The following COG8 variants were observed in gnomAD, a reference collection of about 807,000 sequenced individuals.
COG8 encodes the protein component of oligomeric golgi complex 8.
A neutral mutation model predicts 46.5 loss-of-function variants in COG8; 45 were observed. The ratio of observed to expected loss-of-function variants is 0.97; its 90% CI spans 0.76 to 1.24. The LOEUF is 1.24. Ranked by LOEUF, COG8 falls within the 50% of genes most tolerant of loss-of-function variation. The probability of loss-of-function intolerance (pLI) is 0.00; values close to 1 mark genes in which losing one functional copy is unlikely to be tolerated. For missense variants in COG8, 793 were observed against 820.8 expected (o/e 0.97, Z 0.41); for synonymous variants, 407 against 347.8 (o/e 1.17, Z -1.90).
intron 1 of COG8, among the ~76,000 whole-genome samples, chr16:69,337,732 G>T (rs1360386686): frequency 6.9e-6 from 1 of 144,878 alleles, no homozygotes; most frequent in Admixed American, 6.9e-5. Context: ...ACTCACAAAG[G>T]ACTTTTTTTT....
At chr16:69,337,593 C>A (rs1401621340) in intron 1 of COG8, among the ~76,000 whole-genome samples, 1 of 152,170 alleles carries the variant, frequency 6.6e-6, no homozygotes, top group African/African-American at 2.4e-5. Context: ...TTTATCAAGT[C>A]CCCTATCTAT....
At chr16:69,331,201 A>C in intron 4 of COG8, 106 bp from the exon 5 acceptor site, 21 of 1,202,798 alleles carry the variant, frequency 1.7e-5, no homozygotes, top group East Asian at 2.6e-5. Context: ...TAATCCCAGC[A>C]CTTTGGGAGG....
chr16:69,335,384 A>G, intron 2 of COG8, 36 bp from the exon 3 acceptor site: 1 of 1,515,000 alleles, frequency 6.6e-7, no homozygotes, highest in South Asian at 1.2e-5. Context: ...CTGCGCTGGG[A>G]AGGATGCTCT....
chr16:69,339,118 C>T, intron 1 of COG8, 58 bp downstream of exon 1: 1 of 1,610,376 alleles, frequency 6.2e-7, no homozygotes, highest in Middle Eastern at 1.7e-4. Context: ...TTATTTCTAC[C>T]ATCGTAAATG....
chr16:69,330,519 G>A (rs1427617512), intron 5 of COG8: 4 of 1,474,392 alleles, frequency 2.7e-6, no homozygotes, highest in Non-Finnish European at 2.7e-6. Flanking sequence ...CCGCCCCACG[G>A]CACGGCCGCC....
Position 69,336,485 on chromosome 16 carries a change from T to A in COG8, c.585+20A>T. 6.2e-7 allele frequency: 1 copy of A among 1,611,500 alleles called. No individual in the cohort carries two copies. ...ATTACAAGAACATTACTTTGAGTCC[T>A]CTCTGGGCAAGGTGGCTACCTGGAT... On this transcript the variant is annotated intron_variant, in intron 2 of 5. Coordinates refer to ENST00000306875, the MANE Select transcript of COG8 (RefSeq NM_032382.5).
Position 69,334,546 on chromosome 16 carries a change from C to G in COG8, c.1388G>C (p.Gly463Ala). 7 of 1,614,188 alleles carry G rather than the reference C, an allele frequency of 4.3e-6. No individual in the cohort carries two copies. Among genetic ancestry groups the G allele is most frequent in the Non-Finnish European group, 5.9e-6 (7 of 1,180,042 alleles). The part of the protein sequence containing the change: ...CPVALAQDVT[G>A]ALEDALAKVT... ...CTTGGCAAGGGCATCTTCCAAGGCC[C>G]CAGTCACATCCTGCGCCAGGGCCAC... Residue 463 changes from glycine (G) to alanine (A), a missense_variant, in exon 3 of 6, where the codon GGG becomes GCG. Physicochemically the swap from Gly to Ala is moderately conservative, Grantham distance 60. Transcript: ENST00000306875.
intron 3 of COG8, among the ~76,000 whole-genome samples, chr16:69,333,166 G>GTTTT (rs554776759): frequency 7.6e-6 from 1 of 130,882 alleles, no homozygotes. Flanking sequence ...CATGGTTTTG[G>GTTTT]TTTTTTTTTT....
At chr16:69,336,750 C>G (rs745692049) in intron 1 of COG8, 38 bp from the exon 2 acceptor site, 2 of 1,574,994 alleles carry the variant, frequency 1.3e-6, no homozygotes, top group South Asian at 1.1e-5. Flanking sequence ...CTTCACTGCT[C>G]TGTACCCAAA....
At position 69,336,434 on chromosome 16, in the gene COG8, C is replaced by G. The variant is rs550221232; in HGVS notation, c.585+71G>C. 5.5e-6 allele frequency: 8 copies of G among 1,453,242 alleles called. No individual in the cohort carries two copies. The South Asian group carries it at 9.4e-5, about 17-fold the overall frequency. The allele number at this position is 1,453,242 out of a possible 1,614,324, so 90.0% of individuals were successfully genotyped here. A position where few individuals can be genotyped will look rare whatever the true frequency, so the allele number is the denominator to read the frequency against. ...AACATGCAAGAGTTTCTACCTAAAG[C>G]TTCAGTCCTGACCACAGAATAAATG... On this transcript the variant is annotated intron_variant, in intron 2 of 5. Coordinates refer to ENST00000306875, the MANE Select transcript of COG8 (RefSeq NM_032382.5).
chr16:69,334,438 A>C, intron 3 of COG8, 83 bp downstream of exon 3: 1 of 1,212,104 alleles, frequency 8.3e-7, no homozygotes, highest in South Asian at 1.3e-5. Flanking sequence ...GACACCGTCA[A>C]ATAGACGGGT....
chr16:69,331,432 C>A (rs2011825130), intron 4 of COG8, among the ~76,000 whole-genome samples: 1 of 116,944 alleles, frequency 8.6e-6, no homozygotes. Context: ...CAGCCTGGGC[C>A]ACAAGAGCAA....
chr16:69,332,363 CTG>C (rs2011930229), intron 4 of COG8, among the ~76,000 whole-genome samples: 1 of 151,968 alleles, frequency 6.6e-6, no homozygotes. Flanking sequence ...AAAAAAAAGA[CTG>C]TAAAAACCAT....
rs2143285051 is a variant in COG8, at chr16:69,327,071, A to G, written c.*2135T>C. ...CTCAGCTGAATTCTAATTTTCCTAAAGACCCATGTTTTTAGCATCTATGAG... is the reference window on the plus strand; with the variant it reads ...CTCAGCTGAATTCTAATTTTCCTAAGGACCCATGTTTTTAGCATCTATGAG... On this transcript the variant is annotated 3_prime_UTR_variant, in exon 6 of 6. Coordinates refer to ENST00000306875, the MANE Select transcript of COG8 (RefSeq NM_032382.5). The G allele has an allele frequency of 6.6e-6, 1 of 150,528 alleles. No homozygotes were observed. Among genetic ancestry groups the G allele is most frequent in the South Asian group, 2.7e-4 (1 of 3,720 alleles). 9.3% of individuals were successfully genotyped at this position (150,528 alleles called of 1,614,324 possible). A position where few individuals can be genotyped will look rare whatever the true frequency, so the allele number is the denominator to read the frequency against.
rs1444297010 is a variant in COG8, at chr16:69,327,659, T to C, written c.*1547A>G. On this transcript the variant is annotated 3_prime_UTR_variant, in exon 6 of 6. Transcript: ENST00000306875. ...GTATAGTTTGATTTTCAGGACTCTGTTCAGCAAGAATACCTACTTTACAAA... is the reference window on the plus strand; with the variant it reads ...GTATAGTTTGATTTTCAGGACTCTGCTCAGCAAGAATACCTACTTTACAAA... 1 of 152,118 alleles carries C rather than the reference T, an allele frequency of 6.6e-6. No homozygotes were observed. Among genetic ancestry groups the C allele is most frequent in the Non-Finnish European group, 1.5e-5 (1 of 68,020 alleles). The allele number at this position is 152,118 out of a possible 1,614,324, so 9.4% of individuals were successfully genotyped here.
rs73564405 is a variant in COG8 at position 69,326,572 on chromosome 16, A to C, written c.*2634T>G. 630 of 152,340 alleles carry C rather than the reference A, an allele frequency of 4.1e-3. 2 individuals are homozygous for C. The highest frequency in any genetic ancestry group is 0.014 in the African/African-American group (594 of 41,568). The allele number at this position is 152,340 out of a possible 1,614,324, so 9.4% of individuals were successfully genotyped here. ...TGGCTATGGTCCATCCCTGTGCTCTAGTTAGAGCGTGAAGACACCTGACTT... is the reference window on the plus strand; with the variant it reads ...TGGCTATGGTCCATCCCTGTGCTCTCGTTAGAGCGTGAAGACACCTGACTT... On this transcript the variant is annotated 3_prime_UTR_variant, in exon 6 of 6. Coordinates refer to ENST00000306875, the MANE Select transcript of COG8 (RefSeq NM_032382.5).
chr16:69,329,283 G>T, intron 5 of COG8, 104 bp from the exon 6 acceptor site: 1 of 1,254,296 alleles, frequency 8.0e-7, no homozygotes, highest in Non-Finnish European at 1.0e-6. Context: ...TTGACAAGAG[G>T]CAACAGCAGA....
At chr16:69,332,649 G>A (rs1348345880) in intron 4 of COG8, 65 bp downstream of exon 4, 4 of 1,395,410 alleles carry the variant, frequency 2.9e-6, no homozygotes. Flanking sequence ...TACACAAATG[G>A]ATGAATTATT....
Position 69,339,389 on chromosome 16 carries a change from C to T in COG8, c.164G>A (p.Gly55Asp). ...GCGCCGCAGCCGCTCCAGCCCCGAG[C>T]CGCTCAACTCCCGGAGGTAGCGGCC... Reference protein sequence around the residue: ...DVGRYLRELSGSGLERLRREP... With the variant: ...DVGRYLRELSDSGLERLRREP... Residue 55 changes from glycine to aspartate, a missense_variant, in exon 1 of 6, where the codon GGC (glycine) becomes GAC (aspartate). Physicochemically the swap from Gly to Asp is moderately conservative, Grantham distance 94. Coordinates refer to ENST00000306875, the MANE Select transcript of COG8 (RefSeq NM_032382.5). 1 of 1,585,078 alleles carries T rather than the reference C, an allele frequency of 6.3e-7. No individual in the cohort carries two copies. The highest frequency in any genetic ancestry group is 8.5e-7 in the Non-Finnish European group (1 of 1,169,882).
Sources: allele counts gnomAD v4.1 joint callset (sites outside exome capture counted in the v4.1 genomes callset), GRCh38; gene constraint gnomAD v4.1.1; transcripts MANE v1.5; gene names NCBI Gene and HGNC (gene_info 2026-07-23, HGNC 2026-07-21).